Variants in HPSE2 observed in about 807,000 individuals in gnomAD.
HPSE2 encodes the protein inactive heparanase-2.
A neutral mutation model predicts 60.5 loss-of-function variants in HPSE2; 38 were observed. The observed-to-expected ratio is 0.63, with a 90% CI of 0.48 to 0.82. The LOEUF (loss-of-function observed/expected upper bound fraction) is 0.82. Among genes scored for constraint, HPSE2 ranks in the 40% least tolerant of loss-of-function variants. The pLI is 0.00. For missense variants in HPSE2, 713 were observed against 740.4 expected (o/e 0.96, Z 0.43); for synonymous variants, 295 against 293.2 (o/e 1.01, Z -0.06).
chr10:98,595,842 C>G (rs1334259207), intron 9 of HPSE2, among the ~76,000 whole-genome samples: 1 of 152,096 alleles, frequency 6.6e-6, no homozygotes, highest in Non-Finnish European at 1.5e-5. Context: ...GTGGGTTTGT[C>G]ATATATGGAC....
chr10:98,544,785 C>G (rs547110545), intron 9 of HPSE2, among the ~76,000 whole-genome samples: 13 of 145,308 alleles, frequency 8.9e-5, no homozygotes, highest in Non-Finnish European at 1.7e-4. Flanking sequence ...GCTAGCAGAA[C>G]GCAAGAAATA....
chr10:98,815,281 C>T (rs922281372), intron 3 of HPSE2, among the ~76,000 whole-genome samples: 3 of 151,808 alleles, frequency 2.0e-5, no homozygotes, highest in African/African-American at 4.8e-5. Context: ...GACACTACCT[C>T]GAAAAAAATC....
At chr10:98,781,504 C>T (rs979134071) in intron 3 of HPSE2, among the ~76,000 whole-genome samples, 7 of 151,864 alleles carry the variant, frequency 4.6e-5, no homozygotes, top group African/African-American at 7.3e-5. Flanking sequence ...TTAACATAAA[C>T]GAAGTGCTAA....
At chr10:99,109,272 C>A (rs1213795508) in intron 3 of HPSE2, among the ~76,000 whole-genome samples, 3 of 152,006 alleles carry the variant, frequency 2.0e-5, no homozygotes, top group Non-Finnish European at 4.4e-5. Flanking sequence ...AACTGTGTGA[C>A]CTTGAAAAAA....
chr10:98,752,449 G>A (rs776937648), intron 3 of HPSE2, among the ~76,000 whole-genome samples: 3 of 152,122 alleles, frequency 2.0e-5, no homozygotes, highest in Non-Finnish European at 4.4e-5. Flanking sequence ...CATAGATCTT[G>A]TCCCAGCAGT....
At chr10:98,522,725 G>A (rs986162211) in intron 9 of HPSE2, among the ~76,000 whole-genome samples, 3 of 152,266 alleles carry the variant, frequency 2.0e-5, no homozygotes, top group African/African-American at 2.4e-5. Context: ...TGATCTGCCC[G>A]CCTCGGCCTC....
At chr10:98,712,269 T>C (rs1948692549) in intron 5 of HPSE2, among the ~76,000 whole-genome samples, 1 of 142,756 alleles carries the variant, frequency 7.0e-6, no homozygotes, top group Non-Finnish European at 1.6e-5. Flanking sequence ...TTGTTGTTGT[T>C]AAAATTAGAA....
chr10:99,208,875 G>A (rs1848856938), intron 2 of HPSE2, among the ~76,000 whole-genome samples: 1 of 151,974 alleles, frequency 6.6e-6, no homozygotes, highest in African/African-American at 2.4e-5. Context: ...TAGATCAAAT[G>A]TACTTTAAGT....
At chr10:98,921,948 G>C (rs1954293954) in intron 3 of HPSE2, among the ~76,000 whole-genome samples, 1 of 152,128 alleles carries the variant, frequency 6.6e-6, no homozygotes, top group Non-Finnish European at 1.5e-5. Flanking sequence ...TAAGGAAAGG[G>C]CTAAGTCTCA....
At chr10:99,298,623 T>A in the HPSE2 span, among the ~76,000 whole-genome samples, 2 of 152,164 alleles carry the variant, frequency 1.3e-5, no homozygotes, top group Non-Finnish European at 2.9e-5. Context: ...ATTAGACTTG[T>A]TTTGTAAAAA....
At chr10:98,987,993 T>G (rs1000903888) in intron 3 of HPSE2, among the ~76,000 whole-genome samples, 7 of 151,696 alleles carry the variant, frequency 4.6e-5, no homozygotes, top group African/African-American at 1.2e-4. Flanking sequence ...TGAAATAAAA[T>G]AGGATACAAA....
chr10:98,577,911 A>G (rs1004204151), intron 9 of HPSE2, among the ~76,000 whole-genome samples: 5 of 152,168 alleles, frequency 3.3e-5, no homozygotes, highest in African/African-American at 4.8e-5. Flanking sequence ...TTTGCATCCT[A>G]GGGTTAAGAA....
chr10:99,059,829 T>C (rs935530932), intron 3 of HPSE2, among the ~76,000 whole-genome samples: 2 of 152,132 alleles, frequency 1.3e-5, no homozygotes, highest in Admixed American at 1.3e-4. Flanking sequence ...AGCTAATAAA[T>C]ATGGTCTTGC....
chr10:99,196,533 A>T (rs1056476833), intron 2 of HPSE2, among the ~76,000 whole-genome samples: 1 of 152,096 alleles, frequency 6.6e-6, no homozygotes, highest in African/African-American at 2.4e-5. Context: ...TAATAATCTG[A>T]TCAAAAAAAT....
At chr10:99,094,540 A>ATATATATATATTTT (rs1843646305) in intron 3 of HPSE2, among the ~76,000 whole-genome samples, 2 of 26,612 alleles carry the variant, frequency 7.5e-5, no homozygotes, top group Non-Finnish European at 1.2e-4. Context: ...ATATATATAT[A>ATATATATATATTTT]TTTTTTTTTT....
chr10:98,519,970 G>T (rs914438959), intron 9 of HPSE2, among the ~76,000 whole-genome samples: 1 of 152,202 alleles, frequency 6.6e-6, no homozygotes, highest in Non-Finnish European at 1.5e-5. Flanking sequence ...TGGAAAATAA[G>T]CTACAGACCA....
intron 9 of HPSE2, among the ~76,000 whole-genome samples, chr10:98,529,157 G>A (rs1353292391): frequency 6.6e-6 from 1 of 152,216 alleles, no homozygotes; most frequent in African/African-American, 2.4e-5. Flanking sequence ...AATTATGCAA[G>A]TAAATTTTCT....
chr10:99,168,498 A>T (rs1847174674), intron 2 of HPSE2, among the ~76,000 whole-genome samples: 1 of 152,190 alleles, frequency 6.6e-6, no homozygotes, highest in Non-Finnish European at 1.5e-5. Context: ...ATCTGCTAAT[A>T]ATAACAATTT....
At chr10:98,714,276 TGTAA>T (rs1030963700) in intron 5 of HPSE2, among the ~76,000 whole-genome samples, 12 of 151,988 alleles carry the variant, frequency 7.9e-5, no homozygotes, top group Admixed American at 7.9e-4. Context: ...TTTATTATAT[TGTAA>T]GTGTTGTGCA....
Sources: allele counts gnomAD v4.1 joint callset (sites outside exome capture counted in the v4.1 genomes callset), GRCh38; gene constraint gnomAD v4.1.1; transcripts MANE v1.5; gene names NCBI Gene and HGNC (gene_info 2026-07-23, HGNC 2026-07-21).